EIF3D: variants seen among roughly 807,000 people sequenced by gnomAD.
EIF3D encodes eIF3 p66.
Under a neutral mutation model 75.4 loss-of-function variants are expected in EIF3D, and 10 were observed. That is an observed-to-expected ratio of 0.13 (90% confidence interval 0.08 to 0.22). EIF3D has a LOEUF of 0.22. Ranked by LOEUF, EIF3D falls within the 10% of genes least tolerant of loss-of-function variation. The pLI, the probability that EIF3D is intolerant of heterozygous loss-of-function variation, is 1.00. For synonymous variants in EIF3D, 246 were observed against 248.3 expected (o/e 0.99, Z 0.09); for missense variants, 394 against 708.0 (o/e 0.56, Z 5.03).
intron 12 of EIF3D, chr22:36,516,212 G>C (rs1047758655): frequency 8.3e-6 from 3 of 361,046 alleles, no homozygotes; most frequent in Non-Finnish European, 1.5e-5. Context: ...GAAAGTACTG[G>C]AAGAAGGGAG....
chr22:36,524,627 G>A lies in EIF3D; in HGVS notation c.275C>T (p.Ala92Val). ...AAATCTCATTCGATTCCGCTGGTAG[G>A]CCGTCTTCTGTGTGCGCGCTGTATC... The part of the protein sequence containing the change: ...LVDTARTQKT[A>V]YQRNRMRFAQ... The change falls in exon 4 of 15, where the codon GCC becomes GTC. Residue 92 changes from alanine to valine, a missense_variant. Transcript: ENST00000216190. The A allele has an allele frequency of 2.5e-6, 4 of 1,614,164 alleles. No homozygotes were observed. The highest frequency in any genetic ancestry group is 3.4e-6 in the Non-Finnish European group (4 of 1,180,048).
At chr22:36,512,348 G>C in intron 13 of EIF3D, 112 bp downstream of exon 13, 4 of 1,467,726 alleles carry the variant, frequency 2.7e-6, no homozygotes, top group Non-Finnish European at 2.8e-6. Context: ...CCCACCCCTG[G>C]ATTTATCTCT....
intron 8 of EIF3D, 62 bp from the exon 9 acceptor site, chr22:36,518,972 A>C: frequency 6.3e-7 from 1 of 1,590,236 alleles, no homozygotes; most frequent in Non-Finnish European, 8.6e-7. Context: ...GCCCACTCAC[A>C]TGGATGGGAA....
chr22:36,520,607 G>A lies in EIF3D; in HGVS notation c.547C>T (p.Arg183Cys), dbSNP rs1934497556. Residue 183 changes from arginine (R) to cysteine (C), a missense_variant, in exon 7 of 15, where the codon CGC becomes TGC. Physicochemically the swap from Arg to Cys is radical, Grantham distance 180 (BLOSUM62 -3). Transcript: ENST00000216190. ...EMDFPQLMKM[R>C]YLEVSEPQDI... ...TGTGGCTCTGATACTTCCAAGTAGC[G>A]CATCTTCATCAACTGAGGAAAATCC... is the stretch of plus-strand genomic sequence containing the variant. The A allele has an allele frequency of 3.7e-6, 6 of 1,612,800 alleles. No homozygotes were observed. The highest frequency in any genetic ancestry group is 1.3e-5 in the African/African-American group (1 of 74,846).
Position 36,516,501 on chromosome 22 carries a change from T to C in EIF3D, c.1183A>G (p.Thr395Ala). The change falls in exon 12 of 15, where the codon ACA (threonine) becomes GCA (alanine). Residue 395 changes from threonine (T) to alanine (A), a missense_variant. By Grantham distance (58) the Thr-to-Ala change is moderately conservative (BLOSUM62 0). Coordinates refer to ENST00000216190, the MANE Select transcript of EIF3D (RefSeq NM_003753.4). ...NGEVSFINIK[T>A]LNEWDSRHCN... ...ACCCTGGAATCCCACTCATTGAGTGTCTTGATGTTGATGAAGGACACTTCC... is the reference window on the plus strand; with the variant it reads ...ACCCTGGAATCCCACTCATTGAGTGCCTTGATGTTGATGAAGGACACTTCC... The C allele has an allele frequency of 6.2e-7, 1 of 1,614,150 alleles. No homozygotes were observed. The highest frequency in any genetic ancestry group is 2.2e-5 in the East Asian group (1 of 44,890).
intron 4 of EIF3D, among the ~76,000 whole-genome samples, 182 bp from the exon 5 acceptor site, chr22:36,524,162 T>C (rs766563789): frequency 1.3e-5 from 2 of 152,156 alleles, no homozygotes; most frequent in Non-Finnish European, 1.5e-5. Context: ...TGCTTGGACT[T>C]TGCTTAGACC....
At chr22:36,520,965 CA>C (rs928021917) in intron 6 of EIF3D, among the ~76,000 whole-genome samples, 3 of 152,062 alleles carry the variant, frequency 2.0e-5, no homozygotes, top group African/African-American at 4.8e-5. Flanking sequence ...TTTGGGAGGC[CA>C]AGGCGGGCAG....
intron 9 of EIF3D, among the ~76,000 whole-genome samples, chr22:36,518,103 T>A (rs1411324451): frequency 6.6e-6 from 1 of 152,076 alleles, no homozygotes; most frequent in Admixed American, 6.6e-5. Flanking sequence ...TAAATACATA[T>A]ATGTATGGTA....
At chr22:36,519,002 C>T in intron 8 of EIF3D, 92 bp from the exon 9 acceptor site, 1 of 1,505,336 alleles carries the variant, frequency 6.6e-7, no homozygotes, top group Non-Finnish European at 8.9e-7. Context: ...TTGCTGACCA[C>T]ATAAATCCTT....
intron 7 of EIF3D, among the ~76,000 whole-genome samples, chr22:36,519,883 G>A (rs62230007): frequency 0.023 from 3,479 of 152,292 alleles, 69 homozygotes; most frequent in Non-Finnish European, 0.037. Context: ...CTTGTCCTTT[G>A]AGGTAAGAAG....
chr22:36,518,102 ATATG>A (rs1474789427), intron 9 of EIF3D, among the ~76,000 whole-genome samples: 1 of 152,092 alleles, frequency 6.6e-6, no homozygotes, highest in Non-Finnish European at 1.5e-5. Flanking sequence ...ATAAATACAT[ATATG>A]TATGGTATAA....
In EIF3D at chr22:36,519,476, C is replaced by T. The variant is rs759608779; in HGVS notation, c.640G>A (p.Glu214Lys). Residue 214 changes from glutamate to lysine, a missense_variant, in exon 8 of 15, where the codon GAG becomes AAG. Coordinates refer to ENST00000216190, the MANE Select transcript of EIF3D (RefSeq NM_003753.4). ...KAFDRITTRS[E>K]KPLRSIKRIF... Reference sequence around the variant, plus strand: ...CGCTTGATGCTCCGCAGTGGCTTCTCACTCCTCGTGGTGATGCGGTCAAAG... The same window carrying T: ...CGCTTGATGCTCCGCAGTGGCTTCTTACTCCTCGTGGTGATGCGGTCAAAG... 3 of 1,614,186 alleles carry T rather than the reference C, an allele frequency of 1.9e-6. No individual in the cohort carries two copies. Among genetic ancestry groups the T allele is most frequent in the Middle Eastern group, 3.3e-4 (2 of 6,062 alleles).
intron 7 of EIF3D, among the ~76,000 whole-genome samples, chr22:36,520,125 C>T (rs1472273403): frequency 1.3e-5 from 2 of 151,964 alleles, no homozygotes; most frequent in African/African-American, 4.8e-5. Context: ...AAGAAGTTTG[C>T]AGTCAGTGAA....
intron 7 of EIF3D, 151 bp from the exon 8 acceptor site, chr22:36,519,688 T>C (rs1934482480): frequency 1.9e-6 from 2 of 1,068,616 alleles, no homozygotes; most frequent in East Asian, 5.2e-5. Flanking sequence ...CCTCAGTGCT[T>C]GCTCAGTTCC....
At chr22:36,517,544 C>T (rs1440991726) in intron 9 of EIF3D, 113 bp from the exon 10 acceptor site, 4 of 1,287,658 alleles carry the variant, frequency 3.1e-6, no homozygotes, top group Non-Finnish European at 4.1e-6. Context: ...CTTCAAAGAA[C>T]TGCCCTCTCC....
chr22:36,528,090 A>T (rs1367547717), intron 1 of EIF3D, among the ~76,000 whole-genome samples: 2 of 152,168 alleles, frequency 1.3e-5, no homozygotes, highest in African/African-American at 4.8e-5. Flanking sequence ...AGATAATTTA[A>T]CACCATTGAC....
intron 10 of EIF3D, 145 bp from the exon 11 acceptor site, chr22:36,516,935 T>C: frequency 1.4e-6 from 1 of 725,236 alleles, no homozygotes; most frequent in Non-Finnish European, 2.4e-6. Context: ...CTGCCTGTTT[T>C]GTGCCTACTT....
rs899249964 is a variant in EIF3D at position 36,529,103 on chromosome 22, G to C, written c.-38C>G. The C allele has an allele frequency of 2.5e-6, 1 of 394,084 alleles. No individual in the cohort carries two copies. The highest frequency in any genetic ancestry group is 2.1e-5 in the African/African-American group (1 of 48,546). 24.4% of individuals were successfully genotyped at this position (394,084 alleles called of 1,614,324 possible). A position where few individuals can be genotyped will look rare whatever the true frequency, so the allele number is the denominator to read the frequency against. On this transcript the variant is annotated 5_prime_UTR_variant, in exon 1 of 15. Coordinates refer to ENST00000216190, the MANE Select transcript of EIF3D (RefSeq NM_003753.4). ...GCAATGGCCTCGGCCGGCCGGGATG[G>C]CAACAGATGGTGCGTGCCGGGGACC...
intron 12 of EIF3D, among the ~76,000 whole-genome samples, chr22:36,513,519 T>A (rs998152539): frequency 1.3e-5 from 2 of 152,134 alleles, no homozygotes; most frequent in African/African-American, 4.8e-5. Flanking sequence ...GCCAGGCTGG[T>A]CTCGAACTCC....
Sources: allele counts gnomAD v4.1 joint callset (sites outside exome capture counted in the v4.1 genomes callset), GRCh38; gene constraint gnomAD v4.1.1; transcripts MANE v1.5; gene names NCBI Gene and HGNC (gene_info 2026-07-23, HGNC 2026-07-21).